METTL24: variants seen among roughly 807,000 people sequenced by gnomAD.
METTL24 encodes methyltransferase like 24, also known as probable methyltransferase-like protein 24.
A neutral mutation model predicts 32.7 loss-of-function variants in METTL24; 29 were observed. That is an observed-to-expected ratio of 0.89 (90% confidence interval 0.66 to 1.21). The LOEUF (loss-of-function observed/expected upper bound fraction) is 1.21, where lower values mean the gene tolerates loss of function less well. Ranked by LOEUF, METTL24 falls within the 50% of genes most tolerant of loss-of-function variation. The pLI is 0.00. For missense variants in METTL24, 439 were observed against 468.1 expected, an observed-to-expected ratio of 0.94 and a Z score of 0.57; for synonymous variants, 163 against 179.5, an observed-to-expected ratio of 0.91 and a Z score of 0.73.
intron 4 of METTL24, among the ~76,000 whole-genome samples, chr6:110,263,888 T>C (rs543320939): frequency 5.8e-4 from 88 of 152,310 alleles, no homozygotes; most frequent in Non-Finnish European, 1.0e-3. Flanking sequence ...CCCTATTTAA[T>C]AAATGGTGCT....
chr6:110,358,156 C>A lies in METTL24; in HGVS notation c.117G>T (p.Gly39=), dbSNP rs1040919057. The change falls in exon 1 of 5, where the codon GGG becomes GGT. Residue 39 remains glycine (G), a synonymous_variant. Coordinates refer to ENST00000338882, the MANE Select transcript of METTL24 (RefSeq NM_001123364.3). Reference sequence around the variant, plus strand: ...CCGGCGGGGCGCTGCGGGTGGGGGACCCGGGCCCGGCGCGCCGCAGCTCTG... The same window carrying A: ...CCGGCGGGGCGCTGCGGGTGGGGGAACCGGGCCCGGCGCGCCGCAGCTCTG... The part of the protein sequence containing the change: ...LCAELRRAGP[G]SPTRSAPPGP... 1.6e-4 allele frequency: 190 copies of A among 1,196,232 alleles called. No homozygotes were observed. Among genetic ancestry groups the A allele is most frequent in the Non-Finnish European group, 1.9e-4 (181 of 966,540 alleles). 74.1% of individuals were successfully genotyped at this position (1,196,232 alleles called of 1,614,324 possible).
intron 1 of METTL24, among the ~76,000 whole-genome samples, chr6:110,350,375 G>C (rs905333552): frequency 6.6e-6 from 1 of 151,976 alleles, no homozygotes. Flanking sequence ...GTTTCAGTTG[G>C]GTCTGCCACT....
chr6:110,286,002 C>T (rs571884854), intron 4 of METTL24, among the ~76,000 whole-genome samples: 1 of 152,328 alleles, frequency 6.6e-6, no homozygotes, highest in East Asian at 1.9e-4. Context: ...TCATCATTCT[C>T]CATAAAATCA....
chr6:110,307,245 T>C (rs558585936), intron 3 of METTL24, among the ~76,000 whole-genome samples: 4 of 152,324 alleles, frequency 2.6e-5, no homozygotes, highest in South Asian at 4.1e-4. Flanking sequence ...TTAAACATGG[T>C]CCTTGATCTG....
chr6:110,265,551 A>C (rs552165322), intron 4 of METTL24, among the ~76,000 whole-genome samples: 10 of 152,256 alleles, frequency 6.6e-5, no homozygotes, highest in Admixed American at 3.9e-4. Flanking sequence ...AAATCTGAGC[A>C]ATAAGATATA....
rs906564966 is a variant in METTL24, at chr6:110,299,412, GT to G, written c.558-263del. On this transcript the variant is annotated intron_variant, in intron 3 of 4. Transcript: ENST00000338882. Reference sequence around the variant, plus strand: ...AAACATGTAGGCGCATCATCAAATTGTTTTTTTTTTAAGTGATGTAAATCAC... The same window carrying G: ...AAACATGTAGGCGCATCATCAAATTGTTTTTTTTTAAGTGATGTAAATCAC... 2.3e-3 allele frequency among the ~76,000 whole-genome samples: 342 copies of G among 147,780 alleles called. 3 individuals carry two copies. Among genetic ancestry groups the G allele is most frequent in the African/African-American group, 7.7e-3 (312 of 40,340 alleles).
chr6:110,334,111 A>AGG, intron 1 of METTL24, among the ~76,000 whole-genome samples: 1 of 151,506 alleles, frequency 6.6e-6, no homozygotes, highest in African/African-American at 2.4e-5. Context: ...AACAGAGGAA[A>AGG]GGGGGGTCTT....
At chr6:110,288,950 A>G (rs1328898349) in intron 4 of METTL24, among the ~76,000 whole-genome samples, 3 of 152,184 alleles carry the variant, frequency 2.0e-5, no homozygotes, top group African/African-American at 4.8e-5. Context: ...GAGCTATAGC[A>G]TAAAACTAGC....
At chr6:110,311,521 T>A (rs1016172123) in intron 3 of METTL24, among the ~76,000 whole-genome samples, 1 of 143,462 alleles carries the variant, frequency 7.0e-6, no homozygotes, top group African/African-American at 2.7e-5. Context: ...TCACCCAGGC[T>A]GGAGTGCAGT....
intron 3 of METTL24, among the ~76,000 whole-genome samples, chr6:110,299,898 C>T (rs1169121460): frequency 6.6e-6 from 1 of 152,032 alleles, no homozygotes; most frequent in Non-Finnish European, 1.5e-5. Flanking sequence ...TAATGAAAAG[C>T]ATGAAATTAA....
intron 4 of METTL24, among the ~76,000 whole-genome samples, chr6:110,276,481 C>T (rs1480347548): frequency 6.6e-6 from 1 of 152,068 alleles, no homozygotes. Flanking sequence ...CATTACATGA[C>T]TTGTACTCTG....
intron 4 of METTL24, among the ~76,000 whole-genome samples, chr6:110,289,482 CT>C (rs373678382): frequency 9.3e-4 from 137 of 147,526 alleles, no homozygotes; most frequent in African/African-American, 1.7e-3. Context: ...AAAATATAGT[CT>C]TTTTTTTTTG....
chr6:110,288,717 A>G (rs1327506761), intron 4 of METTL24, among the ~76,000 whole-genome samples: 1 of 152,132 alleles, frequency 6.6e-6, no homozygotes, highest in Admixed American at 6.6e-5. Context: ...CATCTCCATG[A>G]ATGAACACAG....
At chr6:110,325,078 C>T (rs1771994859) in intron 1 of METTL24, among the ~76,000 whole-genome samples, 1 of 152,148 alleles carries the variant, frequency 6.6e-6, no homozygotes, top group Admixed American at 6.5e-5. Context: ...AGAGTGAGTG[C>T]TTCCCAGGTT....
chr6:110,292,013 CT>C (rs1404734739), intron 4 of METTL24, among the ~76,000 whole-genome samples: 1 of 152,176 alleles, frequency 6.6e-6, no homozygotes, highest in Non-Finnish European at 1.5e-5. Flanking sequence ...TGTAAATTCT[CT>C]TTCTTAAAAA....
At chr6:110,342,247 C>CTG (rs908266987) in intron 1 of METTL24, among the ~76,000 whole-genome samples, 6 of 152,160 alleles carry the variant, frequency 3.9e-5, no homozygotes, top group African/African-American at 1.4e-4. Flanking sequence ...TAATGCAGGG[C>CTG]TGTGTGTATC....
In METTL24 at chr6:110,313,441, T is replaced by C. The variant is rs572964408; in HGVS notation, c.557+1901A>G. On this transcript the variant is annotated intron_variant, in intron 3 of 4. Transcript: ENST00000338882. Reference sequence around the variant, plus strand: ...CTGAACTCTTACTGCAGAGCTATCTTATCCAACAGCTCTGAAGTATAAGGA... The same window carrying C: ...CTGAACTCTTACTGCAGAGCTATCTCATCCAACAGCTCTGAAGTATAAGGA... Among the ~76,000 whole-genome samples, 3 of 152,380 alleles carry C rather than the reference T, an allele frequency of 2.0e-5. No individual in the cohort carries two copies. In the East Asian group the frequency reaches 5.8e-4, roughly 29 times the overall value.
At chr6:110,293,613 GTTATC>G (rs1380592286) in intron 4 of METTL24, among the ~76,000 whole-genome samples, 1 of 151,566 alleles carries the variant, frequency 6.6e-6, no homozygotes, top group Non-Finnish European at 1.5e-5. Flanking sequence ...TGTATTAGCT[GTTATC>G]TTAAGAACTA....
At chr6:110,298,109 G>A (rs571056761) in intron 4 of METTL24, among the ~76,000 whole-genome samples, 1 of 152,312 alleles carries the variant, frequency 6.6e-6, no homozygotes, top group East Asian at 1.9e-4. Context: ...CAGGCACACT[G>A]TTTCTCAAAC....
Sources: allele counts gnomAD v4.1 joint callset (sites outside exome capture counted in the v4.1 genomes callset), GRCh38; gene constraint gnomAD v4.1.1; transcripts MANE v1.5; gene names NCBI Gene and HGNC (gene_info 2026-07-23, HGNC 2026-07-21).